The following BDNF variants were observed in gnomAD, a reference collection of about 807,000 sequenced individuals.
BDNF encodes the protein brain derived neurotrophic factor.
Under a neutral mutation model 19.5 loss-of-function variants are expected in BDNF, and 1 was observed. The ratio of observed to expected loss-of-function variants is 0.05; its 90% CI spans 0.02 to 0.24. BDNF has a LOEUF of 0.24. Ranked by LOEUF, BDNF falls within the 10% of genes least tolerant of loss-of-function variation. BDNF has a pLI of 1.00. For synonymous variants in BDNF, 100 were observed against 121.6 expected, an observed-to-expected ratio of 0.82 and a Z score of 1.17; for missense variants, 195 against 317.6, an observed-to-expected ratio of 0.61 and a Z score of 2.93.
chr11:27,699,584 C>A (rs977977581), intron 1 of BDNF: 5 of 1,489,924 alleles, frequency 3.4e-6, no homozygotes, highest in Non-Finnish European at 4.5e-6. Flanking sequence ...GTAGGAATTC[C>A]GCCTCCCAAG....
intron 1 of BDNF, among the ~76,000 whole-genome samples, chr11:27,710,085 T>C (rs1482712431): frequency 6.6e-6 from 1 of 152,210 alleles, no homozygotes; most frequent in African/African-American, 2.4e-5. Context: ...AAGATTATCC[T>C]TTTTTGCTAG....
In BDNF at chr11:27,656,544, C is replaced by T. The variant is rs574811557; in HGVS notation, c.*1277G>A. 1.2e-4 allele frequency: 121 copies of T among 985,834 alleles called. No individual in the cohort carries two copies. The Middle Eastern group carries it at 6.3e-3, about 51-fold the overall frequency. 61.1% of individuals were successfully genotyped at this position (985,834 alleles called of 1,614,324 possible). A position where few individuals can be genotyped will look rare whatever the true frequency, so the allele number is the denominator to read the frequency against. On this transcript the variant is annotated 3_prime_UTR_variant, in exon 2 of 2. Coordinates refer to ENST00000356660, the MANE Select transcript of BDNF (RefSeq NM_001709.5). ...CTCCACCTAGACCTTGGGATGGCCA[C>T]TCAGAAATTCCTCCCGCACTGCCGG... is the stretch of plus-strand genomic sequence containing the variant.
intron 1 of BDNF, among the ~76,000 whole-genome samples, chr11:27,677,992 A>T (rs1361825341): frequency 6.6e-6 from 1 of 152,122 alleles, no homozygotes; most frequent in Non-Finnish European, 1.5e-5. Flanking sequence ...AAGGTGGGAC[A>T]ATTGGGTATA....
intron 1 of BDNF, among the ~76,000 whole-genome samples, chr11:27,693,630 C>T (rs1008435760): frequency 4.6e-5 from 7 of 152,104 alleles, no homozygotes; most frequent in African/African-American, 1.4e-4. Context: ...CCTGGGACTC[C>T]GCCAAGCATC....
At chr11:27,659,627 CTCTGTGTGTGTG>C (rs946502445) in intron 1 of BDNF, 18 of 917,172 alleles carry the variant, frequency 2.0e-5, no homozygotes, top group African/African-American at 1.0e-4. Flanking sequence ...GAGATGTTCT[CTCTGTGTGTGTG>C]TGTGTGTGTG....
chr11:27,681,782 C>T (rs976801254), intron 1 of BDNF, among the ~76,000 whole-genome samples: 1 of 152,140 alleles, frequency 6.6e-6, no homozygotes, highest in African/African-American at 2.4e-5. Context: ...GGCTGAAATT[C>T]ATTAAGCATT....
intron 1 of BDNF, among the ~76,000 whole-genome samples, chr11:27,669,291 G>A (rs190094333): frequency 3.9e-4 from 59 of 152,184 alleles, no homozygotes; most frequent in African/African-American, 1.4e-3. Flanking sequence ...CAAACCCACA[G>A]CCAATGTCAT....
chr11:27,690,289 C>G (rs181108622), intron 1 of BDNF, among the ~76,000 whole-genome samples: 1 of 152,226 alleles, frequency 6.6e-6, no homozygotes, highest in Non-Finnish European at 1.5e-5. Flanking sequence ...TGAATATACA[C>G]AGAAATGGGC....
At chr11:27,717,290 AT>A (rs1860550991) in intron 1 of BDNF, among the ~76,000 whole-genome samples, 2 of 152,248 alleles carry the variant, frequency 1.3e-5, no homozygotes, top group Admixed American at 1.3e-4. Context: ...TACCTTGAGC[AT>A]ATACATTAGA....
Position 27,657,797 on chromosome 11 carries a change from T to C in BDNF, c.*24A>G, listed in dbSNP as rs756500989. 6.2e-7 allele frequency: 1 copy of C among 1,610,482 alleles called. No individual in the cohort carries two copies. The highest frequency in any genetic ancestry group is 1.7e-5 in the Admixed American group (1 of 60,012). ...ATAGATAATTTTTGTCTCAATATAA[T>C]CTAATCTATACAACATAAATCCACT... On this transcript the variant is annotated 3_prime_UTR_variant, in exon 2 of 2. Transcript: ENST00000356660. This position sits in a 1 kb window ranked among gnomAD's most constrained non-coding sequence, Gnocchi z 5.0.
At chr11:27,690,799 C>T (rs1858147332) in intron 1 of BDNF, among the ~76,000 whole-genome samples, 2 of 151,810 alleles carry the variant, frequency 1.3e-5, no homozygotes, top group South Asian at 2.1e-4. Context: ...AGCATTCTCA[C>T]AATTTAAGTT....
At chr11:27,674,290 T>A in intron 1 of BDNF, 1 of 1,556,508 alleles carries the variant, frequency 6.4e-7, no homozygotes, top group Non-Finnish European at 8.7e-7. Flanking sequence ...CACATCCAGT[T>A]GTCCTTCGGG....
At chr11:27,676,098 C>T (rs1184025841) in intron 1 of BDNF, 1 of 152,200 alleles carries the variant, frequency 6.6e-6, no homozygotes, top group Non-Finnish European at 1.5e-5. Flanking sequence ...TGCAAGGAGC[C>T]TGAGAACAAA....
In BDNF at chr11:27,698,226, CAAAAAAAAAAAAAAAA is replaced by C. The variant is rs10626744; in HGVS notation, c.-22+1922_-22+1937del. On this transcript the variant is annotated intron_variant, in intron 1 of 1. Transcript: ENST00000356660. ...CCTGCTAACCCAGAGGTAAATTTCC[CAAAAAAAAAAAAAAAA>C]AAAAAAAAAAAAAAGTCTTAAGCAA... 5.0e-5 allele frequency: 4 copies of C among 80,784 alleles called. 1 individual carries two copies. The highest frequency in any genetic ancestry group is 3.6e-4 in the Admixed American group (2 of 5,604). 5.0% of individuals were successfully genotyped at this position (80,784 alleles called of 1,614,324 possible).
At chr11:27,693,488 G>A (rs1172784019) in intron 1 of BDNF, among the ~76,000 whole-genome samples, 1 of 152,090 alleles carries the variant, frequency 6.6e-6, no homozygotes, top group Non-Finnish European at 1.5e-5. Flanking sequence ...ATATCTGCTG[G>A]CTTTATGTTT....
intron 1 of BDNF, among the ~76,000 whole-genome samples, chr11:27,686,321 G>A (rs1316421494): frequency 6.6e-6 from 1 of 152,216 alleles, no homozygotes; most frequent in Non-Finnish European, 1.5e-5. Flanking sequence ...CCAGAACACA[G>A]CACACTGATG....
At chr11:27,672,908 G>A (rs144786095) in intron 1 of BDNF, among the ~76,000 whole-genome samples, 2 of 152,220 alleles carry the variant, frequency 1.3e-5, no homozygotes, top group African/African-American at 2.4e-5. Flanking sequence ...GGCTTTTTAC[G>A]AAAGACTGCA....
chr11:27,687,085 T>G (rs1273859230), intron 1 of BDNF, among the ~76,000 whole-genome samples: 1 of 152,238 alleles, frequency 6.6e-6, no homozygotes, highest in Non-Finnish European at 1.5e-5. Context: ...CCCACATTTC[T>G]TGGAGGCTTT....
upstream of BDNF, among the ~76,000 whole-genome samples, chr11:27,703,598 T>C (rs751368405): frequency 5.9e-5 from 9 of 152,206 alleles, no homozygotes; most frequent in Non-Finnish European, 1.3e-4. Flanking sequence ...CAGACTCTGA[T>C]TGGGTGGGTC....
Sources: gnomAD v4.1 joint callset for allele counts (sites outside exome capture counted in the v4.1 genomes callset) on GRCh38, gnomAD v4.1.1 for gene constraint, Gnocchi (gnomAD v3.1) non-coding constraint, MANE v1.5 for transcripts, NCBI Gene and HGNC (gene_info 2026-07-23, HGNC 2026-07-21) for gene names.